PPP2R3C: variants seen among roughly 807,000 people sequenced by gnomAD.
PPP2R3C encodes protein phosphatase 2 regulatory subunit B''gamma, also known as serine/threonine-protein phosphatase 2A regulatory subunit B'' subunit gamma.
Under a neutral mutation model 63.7 loss-of-function variants are expected in PPP2R3C, and 47 were observed. The ratio of observed to expected loss-of-function variants is 0.74; its 90% CI spans 0.58 to 0.94. PPP2R3C has a LOEUF of 0.94. Ranked by LOEUF, PPP2R3C falls within the 40% of genes least tolerant of loss-of-function variation. The pLI, the probability that PPP2R3C is intolerant of heterozygous loss-of-function variation, is 0.00. For synonymous variants in PPP2R3C, 180 were observed against 177.4 expected (o/e 1.01, Z -0.12); for missense variants, 421 against 518.4 (o/e 0.81, Z 1.82).
At chr14:35,103,683 A>G (rs180845212) in intron 6 of PPP2R3C, among the ~76,000 whole-genome samples, 180 of 152,316 alleles carry the variant, frequency 1.2e-3, no homozygotes, top group Non-Finnish European at 2.1e-3. Flanking sequence ...AAAACAAAAA[A>G]AAGAAAAAAA....
At chr14:35,114,722 G>A (rs1378741434) in intron 2 of PPP2R3C, among the ~76,000 whole-genome samples, 2 of 152,106 alleles carry the variant, frequency 1.3e-5, no homozygotes, top group Non-Finnish European at 2.9e-5. Context: ...GGCCAGCATG[G>A]TGGCTCACGC....
intron 9 of PPP2R3C, among the ~76,000 whole-genome samples, chr14:35,095,440 G>C (rs1236929657): frequency 1.3e-5 from 2 of 152,096 alleles, no homozygotes; most frequent in African/African-American, 4.8e-5. Flanking sequence ...ATCATTATTT[G>C]TTTTCAGTTT....
chr14:35,090,237 G>GTTTT (rs34745484), intron 11 of PPP2R3C, among the ~76,000 whole-genome samples: 40 of 116,882 alleles, frequency 3.4e-4, no homozygotes, highest in Non-Finnish European at 4.3e-4. Flanking sequence ...GGTAGTTGTA[G>GTTTT]TTTTTTTTTT....
intron 6 of PPP2R3C, 150 bp downstream of exon 6, chr14:35,107,153 TA>T: frequency 2.0e-6 from 1 of 501,544 alleles, no homozygotes; most frequent in Non-Finnish European, 3.5e-6. Context: ...TTTGTTACAG[TA>T]AAACTAAATA....
intron 7 of PPP2R3C, 89 bp downstream of exon 7, chr14:35,099,163 T>A: frequency 1.5e-6 from 2 of 1,369,336 alleles, no homozygotes; most frequent in Non-Finnish European, 9.5e-7. Flanking sequence ...GGAAAATAAA[T>A]GATATTTTTC....
chr14:35,089,201 C>T (rs2045708725), intron 11 of PPP2R3C, among the ~76,000 whole-genome samples: 1 of 152,122 alleles, frequency 6.6e-6, no homozygotes, highest in South Asian at 2.1e-4. Context: ...CTCCCGGACT[C>T]TAGTGATCTT....
chr14:35,107,550 C>A, intron 5 of PPP2R3C, 176 bp from the exon 6 acceptor site: 1 of 575,396 alleles, frequency 1.7e-6, no homozygotes, highest in Non-Finnish European at 3.2e-6. Context: ...ACAATTCTAC[C>A]ATGACTAAAG....
rs2046915073 is a variant in PPP2R3C, at chr14:35,121,900, ACT to A, written c.58_58+1del. 1.2e-6 allele frequency: 2 copies of A among 1,613,730 alleles called. No homozygotes were observed. The highest frequency in any genetic ancestry group is 1.7e-5 in the Admixed American group (1 of 59,972). ...CAACGGGCTGCCCCTCCCAAAACTCACTGTTTGGACAGGTGTTGGGCGTCGCT... is the reference window on the plus strand; with the variant it reads ...CAACGGGCTGCCCCTCCCAAAACTCAGTTTGGACAGGTGTTGGGCGTCGCT... On this transcript the variant is annotated splice_donor_variant and coding_sequence_variant, in exon 1 of 13. Transcript: ENST00000261475. LOFTEE classifies it high-confidence loss of function.
rs1566420396 is a variant in PPP2R3C, at chr14:35,108,056, T to C, written c.502+83A>G. On this transcript the variant is annotated intron_variant, in intron 5 of 12. Coordinates refer to ENST00000261475, the MANE Select transcript of PPP2R3C (RefSeq NM_017917.4). Reference sequence around the variant, plus strand: ...TATTCAAACTTAGAGTGATTTCACATAGAAGAAATACTTATAAAAGCACAG... The same window carrying C: ...TATTCAAACTTAGAGTGATTTCACACAGAAGAAATACTTATAAAAGCACAG... 4.0e-6 allele frequency: 6 copies of C among 1,508,536 alleles called. 1 individual carries two copies. Among genetic ancestry groups the C allele is most frequent in the Middle Eastern group, 1.8e-4 (1 of 5,670 alleles). The allele number at this position is 1,508,536 out of a possible 1,614,324, so 93.4% of individuals were successfully genotyped here.
chr14:35,111,300 C>G lies in PPP2R3C; in HGVS notation c.187-671G>C, dbSNP rs1045506133. On this transcript the variant is annotated intron_variant, in intron 2 of 12. Coordinates refer to ENST00000261475, the MANE Select transcript of PPP2R3C (RefSeq NM_017917.4). ...TAAATGAGGATTAACTGGAGATTGA[C>G]AATTTCAAAACCACCTTTGCAAAAT... Among the ~76,000 whole-genome samples the G allele has an allele frequency of 2.0e-5, 3 of 146,500 alleles. No individual in the cohort carries two copies. In the South Asian group the frequency reaches 6.5e-4, roughly 32 times the overall value.
chr14:35,110,166 G>A (rs2046503899), intron 3 of PPP2R3C: 1 of 467,012 alleles, frequency 2.1e-6, no homozygotes, highest in Non-Finnish European at 3.8e-6. Context: ...GATATAGTTA[G>A]CTATCCCTAC....
intron 10 of PPP2R3C, among the ~76,000 whole-genome samples, chr14:35,092,993 A>G (rs1300636310): frequency 6.6e-6 from 1 of 152,070 alleles, no homozygotes; most frequent in African/African-American, 2.4e-5. Flanking sequence ...GGCAGATCAG[A>G]AGGTCAAGAG....
At chr14:35,096,470 A>T (rs1360230327) in intron 9 of PPP2R3C, 88 bp downstream of exon 9, 1 of 1,112,780 alleles carries the variant, frequency 9.0e-7, no homozygotes, top group Non-Finnish European at 1.3e-6. Context: ...ATCTTAAGGT[A>T]TATCAGTGTA....
intron 7 of PPP2R3C, 74 bp downstream of exon 7, chr14:35,099,178 G>A: frequency 1.4e-6 from 2 of 1,392,044 alleles, no homozygotes; most frequent in Non-Finnish European, 9.4e-7. Flanking sequence ...TTTTTCAAGA[G>A]TTTTCTCTAG....
rs1004869707 is a variant in PPP2R3C at position 35,085,560 on chromosome 14, A to G, written c.*30T>C. 6.5e-6 allele frequency: 10 copies of G among 1,535,328 alleles called. No individual in the cohort carries two copies. The highest frequency in any genetic ancestry group is 7.9e-6 in the Non-Finnish European group (9 of 1,139,170). ...TTTACATGCAGCATTCAAGTATCTC[A>G]TAATATAAGACAGTCTAGTCTTTCA... On this transcript the variant is annotated 3_prime_UTR_variant, in exon 13 of 13. Coordinates refer to ENST00000261475, the MANE Select transcript of PPP2R3C (RefSeq NM_017917.4).
chr14:35,114,282 T>C (rs994345227), intron 2 of PPP2R3C, among the ~76,000 whole-genome samples: 1 of 152,340 alleles, frequency 6.6e-6, no homozygotes, highest in African/African-American at 2.4e-5. Context: ...TCAACTTGTT[T>C]AGCCATATTT....
chr14:35,098,346 G>GTTT (rs376634061), intron 7 of PPP2R3C, among the ~76,000 whole-genome samples: 588 of 93,770 alleles, frequency 6.3e-3, no homozygotes, highest in Non-Finnish European at 7.8e-3. Flanking sequence ...CGCCTGGCTA[G>GTTT]TTTTTTTTTT....
intron 11 of PPP2R3C, among the ~76,000 whole-genome samples, chr14:35,088,553 A>T (rs933790248): frequency 1.3e-5 from 2 of 152,252 alleles, no homozygotes; most frequent in Non-Finnish European, 2.9e-5. Context: ...AAAATACTTC[A>T]GGTGAGCATT....
intron 10 of PPP2R3C, among the ~76,000 whole-genome samples, chr14:35,093,943 C>T (rs528314108): frequency 6.6e-6 from 1 of 152,240 alleles, no homozygotes; most frequent in East Asian, 1.9e-4. Flanking sequence ...ATGTTTTTAG[C>T]AGCAAAAATG....
Sources: allele counts gnomAD v4.1 joint callset (sites outside exome capture counted in the v4.1 genomes callset), GRCh38; gene constraint gnomAD v4.1.1; transcripts MANE v1.5; gene names NCBI Gene and HGNC (gene_info 2026-07-23, HGNC 2026-07-21).